Variants in CNTNAP2 observed in about 807,000 individuals in gnomAD.
CNTNAP2 encodes the protein contactin-associated protein-like 2.
A neutral mutation model predicts 155.2 loss-of-function variants in CNTNAP2; 98 were observed. The ratio of observed to expected loss-of-function variants is 0.63; its 90% confidence interval spans 0.54 to 0.75. The LOEUF (loss-of-function observed/expected upper bound fraction) is 0.75, where lower values mean the gene tolerates loss of function less well. Among genes scored for constraint, CNTNAP2 ranks in the 30% least tolerant of loss-of-function variants. CNTNAP2 has a pLI of 0.00. For synonymous variants in CNTNAP2, 651 were observed against 631.2 expected, an observed-to-expected ratio of 1.03 and a Z score of -0.47; for missense variants, 1,727 against 1,688.1, an observed-to-expected ratio of 1.02 and a Z score of -0.40.
intron 1 of CNTNAP2, among the ~76,000 whole-genome samples, chr7:146,655,296 C>T (rs1180629491): frequency 6.6e-6 from 1 of 151,354 alleles, no homozygotes; most frequent in Non-Finnish European, 1.5e-5. Flanking sequence ...CACCTGTAGT[C>T]CCAGCTACTC....
chr7:146,947,168 A>T (rs1797194792), intron 3 of CNTNAP2, among the ~76,000 whole-genome samples: 1 of 151,690 alleles, frequency 6.6e-6, no homozygotes, highest in Non-Finnish European at 1.5e-5. Flanking sequence ...AGTATCTGGG[A>T]TTACAGGCAC....
intron 8 of CNTNAP2, among the ~76,000 whole-genome samples, chr7:147,263,564 A>G (rs1337085553): frequency 2.0e-5 from 3 of 152,176 alleles, no homozygotes; most frequent in African/African-American, 7.2e-5. Flanking sequence ...CTCCTTTTGG[A>G]CCAGATCAAA....
At chr7:146,715,858 A>G (rs1157809909) in intron 1 of CNTNAP2, among the ~76,000 whole-genome samples, 1 of 152,240 alleles carries the variant, frequency 6.6e-6, no homozygotes, top group Admixed American at 6.5e-5. Flanking sequence ...AGTCTATGTC[A>G]TGTTCATCTC....
At chr7:148,218,864 A>G (rs1795692440) in intron 19 of CNTNAP2, among the ~76,000 whole-genome samples, 1 of 151,708 alleles carries the variant, frequency 6.6e-6, no homozygotes, top group Non-Finnish European at 1.5e-5. Flanking sequence ...GGAGTGTACA[A>G]ACTTGCTGAA....
chr7:148,172,577 C>T (rs1585166462), intron 18 of CNTNAP2, 99 bp downstream of exon 18: 1 of 1,112,658 alleles, frequency 9.0e-7, no homozygotes. Flanking sequence ...GTACCTTATT[C>T]TGAGGTTAAG....
intron 1 of CNTNAP2, among the ~76,000 whole-genome samples, chr7:146,445,943 C>T (rs1796396140): frequency 6.6e-6 from 1 of 151,994 alleles, no homozygotes; most frequent in Admixed American, 6.6e-5. Flanking sequence ...AGATATATTC[C>T]CTAAACTCTC....
At chr7:148,097,908 G>C (rs1330661582) in intron 15 of CNTNAP2, among the ~76,000 whole-genome samples, 1 of 152,102 alleles carries the variant, frequency 6.6e-6, no homozygotes, top group African/African-American at 2.4e-5. Context: ...CCTAGGTCAG[G>C]ATAAGCAAGC....
intron 8 of CNTNAP2, among the ~76,000 whole-genome samples, chr7:147,205,671 TA>T (rs1310406337): frequency 6.8e-6 from 1 of 147,848 alleles, no homozygotes. Flanking sequence ...ATGTGGGAGC[TA>T]AAAAAAATAA....
At chr7:147,667,493 T>C (rs1795714980) in intron 13 of CNTNAP2, among the ~76,000 whole-genome samples, 1 of 152,174 alleles carries the variant, frequency 6.6e-6, no homozygotes, top group Non-Finnish European at 1.5e-5. Flanking sequence ...AAACACGCAC[T>C]GCTGGTAAAC....
chr7:147,503,824 A>G (rs111670215), intron 11 of CNTNAP2, among the ~76,000 whole-genome samples: 2,433 of 152,140 alleles, frequency 0.016, 67 homozygotes, highest in African/African-American at 0.056. Flanking sequence ...TAAGTTAACT[A>G]TTCTGTCTCT....
At chr7:146,901,246 C>T (rs774488501) in intron 3 of CNTNAP2, among the ~76,000 whole-genome samples, 16 of 152,114 alleles carry the variant, frequency 1.1e-4, no homozygotes, top group Admixed American at 3.3e-4. Context: ...CGAGCCTCAA[C>T]AGTTTCTGCT....
intron 3 of CNTNAP2, among the ~76,000 whole-genome samples, chr7:146,842,189 G>T (rs1042313487): frequency 6.6e-6 from 1 of 151,910 alleles, no homozygotes; most frequent in Non-Finnish European, 1.5e-5. Flanking sequence ...ACCTGGCCTT[G>T]GACTCTTGAT....
intron 13 of CNTNAP2, among the ~76,000 whole-genome samples, chr7:147,811,181 ACCT>A (rs1798173853): frequency 6.6e-6 from 1 of 151,924 alleles, no homozygotes; most frequent in African/African-American, 2.4e-5. Flanking sequence ...TGCAACCTCC[ACCT>A]CCTGGGTTCA....
At chr7:146,783,442 A>T (rs1216058709) in intron 2 of CNTNAP2, among the ~76,000 whole-genome samples, 1 of 152,306 alleles carries the variant, frequency 6.6e-6, no homozygotes. Flanking sequence ...ATTCTCAAAG[A>T]TAAACCAAAA....
chr7:147,091,984 C>T (rs527337824), intron 4 of CNTNAP2, among the ~76,000 whole-genome samples: 1 of 151,742 alleles, frequency 6.6e-6, no homozygotes, highest in Non-Finnish European at 1.5e-5. Flanking sequence ...CGTGATCTGC[C>T]CACCTCCACC....
At chr7:147,202,103 A>C (rs1802934244) in intron 8 of CNTNAP2, among the ~76,000 whole-genome samples, 1 of 152,184 alleles carries the variant, frequency 6.6e-6, no homozygotes, top group African/African-American at 2.4e-5. Context: ...GGGTAAGAAA[A>C]TTCTCAAGAT....
intron 9 of CNTNAP2, among the ~76,000 whole-genome samples, chr7:147,335,079 C>T (rs1370568620): frequency 6.6e-6 from 1 of 152,036 alleles, no homozygotes; most frequent in African/African-American, 2.4e-5. Flanking sequence ...TTCATATTAC[C>T]TTGTACTTAG....
chr7:148,245,083 G>C (rs992650218), intron 20 of CNTNAP2, among the ~76,000 whole-genome samples: 1 of 152,154 alleles, frequency 6.6e-6, no homozygotes, highest in Non-Finnish European at 1.5e-5. Context: ...GACTGGAGTT[G>C]ATTGAGAATA....
chr7:146,884,394 A>G (rs971840329), intron 3 of CNTNAP2, among the ~76,000 whole-genome samples: 19 of 152,276 alleles, frequency 1.2e-4, no homozygotes, highest in East Asian at 5.8e-4. Flanking sequence ...ACAGGTAGCA[A>G]TGGAATAGTG....
Sources: gnomAD v4.1 joint callset for allele counts (sites outside exome capture counted in the v4.1 genomes callset) on GRCh38, gnomAD v4.1.1 for gene constraint, MANE v1.5 for transcripts, NCBI Gene and HGNC (gene_info 2026-07-23, HGNC 2026-07-21) for gene names.